NXPE3: variants seen among roughly 807,000 people sequenced by gnomAD.
NXPE3 encodes neurexophilin and PC-esterase domain family member 3.
In NXPE3, 26 loss-of-function variants were observed where a neutral mutation model predicts 46.1. The ratio of observed to expected loss-of-function variants is 0.56; its 90% CI spans 0.41 to 0.78. The LOEUF (loss-of-function observed/expected upper bound fraction) is 0.78, where lower values mean the gene tolerates loss of function less well. NXPE3 is among the 30% of genes least tolerant of loss of function. The pLI is 0.00. For missense variants in NXPE3, 620 were observed against 686.0 expected (o/e 0.90, Z 1.07); for synonymous variants, 272 against 257.9 (o/e 1.05, Z -0.52).
intron 4 of NXPE3, among the ~76,000 whole-genome samples, chr3:101,796,061 T>C (rs1357880435): frequency 6.6e-6 from 1 of 152,242 alleles, no homozygotes; most frequent in Non-Finnish European, 1.5e-5. Context: ...TTTGGCTGCA[T>C]GCAAGCATAA....
At chr3:101,814,743 A>G (rs1324408921) in intron 6 of NXPE3, among the ~76,000 whole-genome samples, 2 of 152,140 alleles carry the variant, frequency 1.3e-5, no homozygotes, top group African/African-American at 4.8e-5. Flanking sequence ...TTTCTTGAAG[A>G]TTGTAGGTTT....
Position 101,801,841 on chromosome 3 carries a change from C to A in NXPE3, c.700C>A (p.Pro234Thr). Residue 234 changes from proline (P) to threonine (T), a missense_variant, in exon 5 of 8, where the codon CCC becomes ACC. Physicochemically the swap from Pro to Thr is conservative, Grantham distance 38. Around this residue, in one of 3 missense-constraint regions of NXPE3, gnomAD observed 511 missense variants for 528.6 expected, o/e 0.97. Coordinates refer to ENST00000273347, the MANE Select transcript of NXPE3 (RefSeq NM_145037.4). The stretch of plus-strand genomic sequence containing the variant: ...CAACGTGTGTCTTCCTGGGAATCTG[C>A]CCCTGTGTAACTTTACAGACCTCTA... ...ECNVCLPGNL[P>T]LCNFTDLYTG... 1.2e-6 allele frequency: 2 copies of A among 1,614,078 alleles called. No homozygotes were observed. Among genetic ancestry groups the A allele is most frequent in the Non-Finnish European group, 1.7e-6 (2 of 1,180,004 alleles).
rs758665528 is a variant in NXPE3, at chr3:101,821,687, C to T, written c.1413C>T (p.Leu471=). The change falls in exon 8 of 8, where the codon CTC becomes CTT. Residue 471 remains leucine (L), a synonymous_variant. Transcript: ENST00000273347. ...TCCGTCGAGCAGTGGTTCGGCTCCT[C>T]GATCGAAGCCCAAAGACCGTGGTGG... The part of the protein sequence containing the change: ...RNIRRAVVRL[L]DRSPKTVVVI... 1.9e-5 allele frequency: 30 copies of T among 1,614,076 alleles called. No homozygotes were observed. In the East Asian group the frequency reaches 2.2e-4, roughly 12 times the overall value.
chr3:101,823,799 G>A lies in NXPE3; in HGVS notation c.*1845G>A, dbSNP rs1380596698. ...TTTTGTTAAATAATAAAAGAATTAAGGCCAGGGATGTTGGCTCACATCTGT... is the reference window on the plus strand; with the variant it reads ...TTTTGTTAAATAATAAAAGAATTAAAGCCAGGGATGTTGGCTCACATCTGT... On this transcript the variant is annotated 3_prime_UTR_variant, in exon 8 of 8. Coordinates refer to ENST00000273347, the MANE Select transcript of NXPE3 (RefSeq NM_145037.4). The A allele has an allele frequency of 6.6e-6, 1 of 151,752 alleles. No individual in the cohort carries two copies. Among genetic ancestry groups the A allele is most frequent in the Non-Finnish European group, 1.5e-5 (1 of 67,968 alleles). 9.4% of individuals were successfully genotyped at this position (151,752 alleles called of 1,614,324 possible). A position where few individuals can be genotyped will look rare whatever the true frequency, so the allele number is the denominator to read the frequency against.
chr3:101,818,902 AT>A (rs1942120844), intron 7 of NXPE3, among the ~76,000 whole-genome samples: 1 of 150,288 alleles, frequency 6.7e-6, no homozygotes, highest in East Asian at 1.9e-4. Context: ...AGTAGCTGAG[AT>A]TACAGGCACC....
chr3:101,812,744 G>A (rs1350923937), intron 6 of NXPE3, among the ~76,000 whole-genome samples: 3 of 147,300 alleles, frequency 2.0e-5, no homozygotes, highest in Admixed American at 6.9e-5. Flanking sequence ...CCCGGGAGGC[G>A]GAGGTTGCAG....
chr3:101,818,264 TTTGC>T (rs1044058231), intron 7 of NXPE3, among the ~76,000 whole-genome samples: 95 of 152,332 alleles, frequency 6.2e-4, no homozygotes, highest in African/African-American at 2.2e-3. Context: ...CACTTTTTGT[TTTGC>T]TTGTTTTTTA....
intron 7 of NXPE3, among the ~76,000 whole-genome samples, chr3:101,820,087 A>G (rs944808069): frequency 9.2e-5 from 14 of 152,314 alleles, no homozygotes; most frequent in African/African-American, 3.1e-4. Context: ...AATTTCCCCA[A>G]AGAAGTATTT....
In NXPE3 at chr3:101,785,525, G is replaced by A. The variant is rs1015616276; in HGVS notation, c.-72G>A. 7.3e-7 allele frequency: 1 copy of A among 1,366,068 alleles called. No homozygotes were observed. The highest frequency in any genetic ancestry group is 2.3e-5 in the East Asian group (1 of 43,642). The allele number at this position is 1,366,068 out of a possible 1,614,324, so 84.6% of individuals were successfully genotyped here. ...GAAAGCTCATCTGCAGCTCAGAAAA[G>A]CAAAGACATGGAATTTTAAAGAGTG... On this transcript the variant is annotated 5_prime_UTR_variant, in exon 4 of 8. Transcript: ENST00000273347.
At chr3:101,790,167 A>T (rs1940420059) in intron 4 of NXPE3, among the ~76,000 whole-genome samples, 1 of 152,196 alleles carries the variant, frequency 6.6e-6, no homozygotes, top group Admixed American at 6.5e-5. Flanking sequence ...TTTGGTATAT[A>T]TTCTATGTGT....
intron 4 of NXPE3, among the ~76,000 whole-genome samples, chr3:101,791,971 A>G (rs1940544245): frequency 6.6e-6 from 1 of 152,098 alleles, no homozygotes; most frequent in South Asian, 2.1e-4. Context: ...TGACTTTTTA[A>G]TAATAGCTAT....
intron 4 of NXPE3, among the ~76,000 whole-genome samples, chr3:101,788,234 TG>T (rs561086947): frequency 1.3e-3 from 196 of 152,342 alleles, no homozygotes; most frequent in African/African-American, 4.6e-3. Flanking sequence ...GTTTGTTTTT[TG>T]TTGTTGTTGA....
intron 4 of NXPE3, among the ~76,000 whole-genome samples, chr3:101,793,627 C>CTTTTTT: frequency 2.6e-4 from 5 of 19,406 alleles, no homozygotes; most frequent in Non-Finnish European, 3.8e-4. Flanking sequence ...TTGACAAGGT[C>CTTTTTT]TTTTTTTTTT....
rs887237875 is a variant in NXPE3 at position 101,823,865 on chromosome 3, C to G, written c.*1911C>G. Reference sequence around the variant, plus strand: ...TATAGTCTCGGGAGGCTGAGGTGGGCGGATTGCTTGAGCCCGGAAGGTCAA... The same window carrying G: ...TATAGTCTCGGGAGGCTGAGGTGGGGGGATTGCTTGAGCCCGGAAGGTCAA... On this transcript the variant is annotated 3_prime_UTR_variant, in exon 8 of 8. Coordinates refer to ENST00000273347, the MANE Select transcript of NXPE3 (RefSeq NM_145037.4). 1 of 149,974 alleles carries G rather than the reference C, an allele frequency of 6.7e-6. No homozygotes were observed. The highest frequency in any genetic ancestry group is 2.5e-5 in the African/African-American group (1 of 40,682). The allele number at this position is 149,974 out of a possible 1,614,324, so 9.3% of individuals were successfully genotyped here.
intron 7 of NXPE3, among the ~76,000 whole-genome samples, chr3:101,820,905 A>G (rs1942217067): frequency 1.3e-5 from 2 of 152,234 alleles, no homozygotes. Flanking sequence ...AGAGGAGCAG[A>G]CAAGGTAACT....
Position 101,816,863 on chromosome 3 carries a change from T to C in NXPE3, c.991T>C (p.Trp331Arg). 6.2e-7 allele frequency: 1 copy of C among 1,614,112 alleles called. No individual in the cohort carries two copies. The highest frequency in any genetic ancestry group is 8.5e-7 in the Non-Finnish European group (1 of 1,179,982). Reference sequence around the variant, plus strand: ...TTCTGGGTATTATTATAAAGACCAGTGGAGGCCCAGAAAGTTTAAGATGCG... The same window carrying C: ...TTCTGGGTATTATTATAAAGACCAGCGGAGGCCCAGAAAGTTTAAGATGCG... The part of the protein sequence containing the change: ...FPSGYYYKDQ[W>R]RPRKFKMRQF... The change falls in exon 7 of 8, where the codon TGG (tryptophan) becomes CGG (arginine). Residue 331 changes from tryptophan (W) to arginine (R), a missense_variant. Coordinates refer to ENST00000273347, the MANE Select transcript of NXPE3 (RefSeq NM_145037.4).
chr3:101,801,888 C>T lies in NXPE3; in HGVS notation c.747C>T (p.Cys249=). The part of the protein sequence containing the change: ...TDLYTGEPWF[C]FKPKKLPCSS... ...TCTACACTGGGGAGCCCTGGTTCTG[C>T]TTCAAACCAAAGAAGCTCCCTTGCA... is the stretch of plus-strand genomic sequence containing the variant. The change falls in exon 5 of 8, where the codon TGC becomes TGT. Residue 249 remains cysteine (C), a synonymous_variant. Coordinates refer to ENST00000273347, the MANE Select transcript of NXPE3 (RefSeq NM_145037.4). The T allele has an allele frequency of 6.2e-7, 1 of 1,614,170 alleles. No homozygotes were observed. Among genetic ancestry groups the T allele is most frequent in the Non-Finnish European group, 8.5e-7 (1 of 1,180,026 alleles).
At position 101,808,306 on chromosome 3, in the gene NXPE3, C is replaced by T. The variant is rs376825022; in HGVS notation, c.922+1180C>T. Among the ~76,000 whole-genome samples, 10 of 152,136 alleles carry T rather than the reference C, an allele frequency of 6.6e-5. No individual in the cohort carries two copies. The East Asian group carries it at 7.7e-4, about 12-fold the overall frequency. ...TTACTAGTGAGGCTTATGCAGATGGCGGGCAAGGTCCTTCTAGCTTTTAAA... is the reference window on the plus strand; with the variant it reads ...TTACTAGTGAGGCTTATGCAGATGGTGGGCAAGGTCCTTCTAGCTTTTAAA... On this transcript the variant is annotated intron_variant, in intron 6 of 7. Transcript: ENST00000273347.
intron 4 of NXPE3, among the ~76,000 whole-genome samples, chr3:101,790,086 G>A (rs1438219872): frequency 6.6e-6 from 1 of 152,136 alleles, no homozygotes; most frequent in South Asian, 2.1e-4. Context: ...TCCCCTGAGA[G>A]CATACTTTGT....
Sources: allele counts gnomAD v4.1 joint callset (sites outside exome capture counted in the v4.1 genomes callset), GRCh38; gene constraint gnomAD v4.1.1; regional missense constraint gnomAD v4.1.1; transcripts MANE v1.5; gene names NCBI Gene and HGNC (gene_info 2026-07-23, HGNC 2026-07-21).